CERS6: variants seen among roughly 807,000 people sequenced by gnomAD.
The protein encoded by CERS6 is LAG1 homolog, ceramide synthase 6.
CERS6 carries 26 observed loss-of-function variants against 56.8 expected under a neutral mutation model. The ratio of observed to expected loss-of-function variants is 0.46; its 90% CI spans 0.34 to 0.63. CERS6 has a LOEUF of 0.63. Ranked by LOEUF, CERS6 falls within the 30% of genes least tolerant of loss-of-function variation. The pLI is 0.01. For missense variants in CERS6, 415 were observed against 467.5 expected, an observed-to-expected ratio of 0.89 and a Z score of 1.04; for synonymous variants, 164 against 173.3, an observed-to-expected ratio of 0.95 and a Z score of 0.42.
chr2:168,737,205 TTG>T (rs543479760), intron 8 of CERS6, among the ~76,000 whole-genome samples: 33 of 152,258 alleles, frequency 2.2e-4, no homozygotes, highest in African/African-American at 7.9e-4. Context: ...CTCACTACAG[TTG>T]TGTCTGTAAT....
At chr2:168,609,782 C>T (rs1056614816) in intron 3 of CERS6, among the ~76,000 whole-genome samples, 2 of 152,128 alleles carry the variant, frequency 1.3e-5, no homozygotes, top group Non-Finnish European at 2.9e-5. Context: ...ACCACTCTTT[C>T]CTTGCCGCTT....
chr2:168,634,518 T>C (rs1684819891), intron 4 of CERS6, among the ~76,000 whole-genome samples: 1 of 152,162 alleles, frequency 6.6e-6, no homozygotes, highest in Non-Finnish European at 1.5e-5. Flanking sequence ...GTTCAAACGA[T>C]TCTTGTGCCT....
intron 1 of CERS6, among the ~76,000 whole-genome samples, chr2:168,521,821 A>C (rs1282376588): frequency 1.3e-5 from 2 of 152,248 alleles, no homozygotes; most frequent in Non-Finnish European, 2.9e-5. Flanking sequence ...TCTAAATTAG[A>C]AATGGAATAG....
intron 8 of CERS6, among the ~76,000 whole-genome samples, chr2:168,738,867 TAGA>T (rs1683796796): frequency 6.6e-6 from 1 of 151,712 alleles, no homozygotes; most frequent in African/African-American, 2.4e-5. Flanking sequence ...AATTTTACAG[TAGA>T]AGTTGTTTGT....
At chr2:168,730,839 T>C (rs932079126) in intron 8 of CERS6, among the ~76,000 whole-genome samples, 17 of 152,190 alleles carry the variant, frequency 1.1e-4, no homozygotes, top group Non-Finnish European at 2.1e-4. Flanking sequence ...ATATTTAATT[T>C]GATTTGTTTG....
intron 5 of CERS6, 120 bp downstream of exon 5, chr2:168,691,204 C>T (rs891612086): frequency 1.6e-5 from 13 of 816,784 alleles, no homozygotes; most frequent in African/African-American, 6.7e-5. Flanking sequence ...GCCCCACTCC[C>T]GCTGATCAGT....
intron 2 of CERS6, among the ~76,000 whole-genome samples, chr2:168,559,755 T>TATATATATATATATATATATATATATATA (rs1412617679): frequency 2.0e-4 from 3 of 14,800 alleles, no homozygotes; most frequent in African/African-American, 2.5e-4. Flanking sequence ...ATATATATAT[T>TATATATATATATATATATATATATATATA]TCACCCTTAT....
In CERS6 at chr2:168,504,092, A is replaced by G. The variant is rs73969230; in HGVS notation, c.171-43504A>G. On this transcript the variant is annotated intron_variant, in intron 1 of 9. Transcript: ENST00000305747. ...GTGGATCAAGTGAAGTATGTCAGTA[A>G]GACGAGTGTCTTGTGAGGCATAAAA... 7.9e-3 allele frequency among the ~76,000 whole-genome samples: 1,196 copies of G among 152,322 alleles called. 12 individuals carry two copies. The highest frequency in any genetic ancestry group is 0.026 in the African/African-American group (1,088 of 41,580).
At chr2:168,531,193 C>T (rs191321335) in intron 1 of CERS6, among the ~76,000 whole-genome samples, 3 of 152,128 alleles carry the variant, frequency 2.0e-5, no homozygotes, top group African/African-American at 7.2e-5. Flanking sequence ...CACCATCTCT[C>T]TAGAGGACTG....
chr2:168,724,432 G>T (rs187912854), intron 8 of CERS6, among the ~76,000 whole-genome samples: 8 of 152,046 alleles, frequency 5.3e-5, no homozygotes, highest in African/African-American at 1.9e-4. Context: ...CTGCTGGCTC[G>T]GGCAGCCTGC....
chr2:168,634,665 G>A (rs1342591676), intron 4 of CERS6, among the ~76,000 whole-genome samples: 4 of 152,064 alleles, frequency 2.6e-5, no homozygotes, highest in South Asian at 4.1e-4. Flanking sequence ...TGCCTGCCTC[G>A]GCCTCCCAAA....
intron 3 of CERS6, among the ~76,000 whole-genome samples, chr2:168,629,975 CCTGT>C (rs1051867560): frequency 6.6e-6 from 1 of 151,804 alleles, no homozygotes; most frequent in African/African-American, 2.4e-5. Context: ...CGCCACTAAG[CCTGT>C]CTAATTTTTT....
chr2:168,496,055 A>G (rs962848699), intron 1 of CERS6, among the ~76,000 whole-genome samples: 5 of 152,224 alleles, frequency 3.3e-5, no homozygotes. Flanking sequence ...GCAACACAAT[A>G]GATGCTGTTC....
intron 8 of CERS6, among the ~76,000 whole-genome samples, chr2:168,756,512 A>G (rs1263978596): frequency 6.6e-6 from 1 of 152,232 alleles, no homozygotes; most frequent in Admixed American, 6.5e-5. Context: ...GGGTGGGCCA[A>G]AGTGGGGAAA....
chr2:168,561,369 G>A (rs769541022), intron 3 of CERS6, 47 bp downstream of exon 3: 38 of 1,610,180 alleles, frequency 2.4e-5, no homozygotes, highest in Middle Eastern at 3.3e-4. Context: ...AAGTACTCAT[G>A]CCAACCCTGA....
chr2:168,574,370 TTGTGTGTGTGTGTG>T (rs59913751), intron 3 of CERS6, among the ~76,000 whole-genome samples: 9 of 148,696 alleles, frequency 6.1e-5, no homozygotes, highest in African/African-American at 1.5e-4. Flanking sequence ...TCAATAAGTT[TTGTGTGTGTGTGTG>T]TGTGTGTGTG....
chr2:168,483,507 G>T (rs1343752448), intron 1 of CERS6, among the ~76,000 whole-genome samples: 1 of 152,140 alleles, frequency 6.6e-6, no homozygotes, highest in Non-Finnish European at 1.5e-5. Context: ...AACAGACTTG[G>T]TTCAGAGTTG....
At chr2:168,557,681 T>TA (rs1558997001) in intron 2 of CERS6, among the ~76,000 whole-genome samples, 1 of 152,168 alleles carries the variant, frequency 6.6e-6, no homozygotes, top group Non-Finnish European at 1.5e-5. Flanking sequence ...CTACATTTAT[T>TA]AAAAGGAAAC....
At chr2:168,769,451 A>C (rs181296302) in intron 9 of CERS6, 59 bp from the exon 10 acceptor site, 1 of 1,444,728 alleles carries the variant, frequency 6.9e-7, no homozygotes, top group Non-Finnish European at 9.2e-7. Context: ...TGCTTCTAGC[A>C]TGCCATACCT....
Sources: allele counts gnomAD v4.1 joint callset (sites outside exome capture counted in the v4.1 genomes callset), GRCh38; gene constraint gnomAD v4.1.1; transcripts MANE v1.5; gene names NCBI Gene and HGNC (gene_info 2026-07-23, HGNC 2026-07-21).